Variants in WDPCP observed in about 807,000 individuals in gnomAD.
WDPCP encodes WD repeat containing planar cell polarity effector, also known as WD repeat-containing and planar cell polarity effector protein fritz homolog.
In WDPCP, 71 loss-of-function variants were observed where a neutral mutation model predicts 93.1. That is an observed-to-expected ratio of 0.76 (90% CI 0.63 to 0.93). WDPCP has a LOEUF of 0.93. WDPCP is among the 40% of genes least tolerant of loss of function. The pLI, the probability that WDPCP is intolerant of heterozygous loss-of-function variation, is 0.00. For missense variants in WDPCP, 844 were observed against 887.4 expected (o/e 0.95, Z 0.62); for synonymous variants, 315 against 315.0 (o/e 1.00, Z 0.00).
At chr2:63,154,040 C>T (rs1672065537) in intron 15 of WDPCP, among the ~76,000 whole-genome samples, 1 of 151,698 alleles carries the variant, frequency 6.6e-6, no homozygotes, top group East Asian at 1.9e-4. Flanking sequence ...GAGTTGTTCT[C>T]TGGATATTTA....
chr2:63,790,101 G>T (rs1670525221), intron 2 of WDPCP, among the ~76,000 whole-genome samples: 1 of 152,118 alleles, frequency 6.6e-6, no homozygotes, highest in South Asian at 2.1e-4. Context: ...TCTAGATATG[G>T]GGCTGGGTTA....
chr2:63,438,131 G>A, intron 7 of WDPCP: 1 of 700,014 alleles, frequency 1.4e-6, no homozygotes, highest in East Asian at 4.5e-5. Context: ...CTACAGCTTT[G>A]TCACCAAAGC....
In WDPCP at chr2:63,435,752, T is replaced by A. The variant is rs879579739; in HGVS notation, c.633+1669A>T. 2.0e-5 allele frequency among the ~76,000 whole-genome samples: 3 copies of A among 152,154 alleles called. No homozygotes were observed. In the East Asian group the frequency reaches 5.8e-4, roughly 29 times the overall value. On this transcript the variant is annotated intron_variant, in intron 8 of 17. Transcript: ENST00000272321. Reference sequence around the variant, plus strand: ...CCAATGGACAAATAGCAGATTTGACTAAGTATTAAAAATATACATTTTAAA... The same window carrying A: ...CCAATGGACAAATAGCAGATTTGACAAAGTATTAAAAATATACATTTTAAA...
intron 2 of WDPCP, among the ~76,000 whole-genome samples, chr2:63,700,282 C>CAAAAAAAAAAAAAAAAAAAAAAAA (rs1196006011): frequency 2.4e-5 from 1 of 41,568 alleles, no homozygotes; most frequent in Admixed American, 3.2e-4. Context: ...GACCCTGTCT[C>CAAAAAAAAAAAAAAAAAAAAAAAA]AAAAAAAAAA....
At chr2:63,695,690 T>G (rs1262360694) in intron 2 of WDPCP, among the ~76,000 whole-genome samples, 1 of 152,144 alleles carries the variant, frequency 6.6e-6, no homozygotes. Flanking sequence ...TATAGTTCAT[T>G]GAACTTTCAC....
chr2:63,257,091 T>G (rs1681215286), intron 14 of WDPCP, among the ~76,000 whole-genome samples: 1 of 152,164 alleles, frequency 6.6e-6, no homozygotes, highest in South Asian at 2.1e-4. Flanking sequence ...GTTTAAAAAA[T>G]TACCAAATTG....
chr2:63,482,922 A>C (rs1002393921), intron 6 of WDPCP, among the ~76,000 whole-genome samples: 6 of 152,028 alleles, frequency 3.9e-5, no homozygotes, highest in African/African-American at 1.4e-4. Flanking sequence ...CGATTAGATT[A>C]CTGTAAATTA....
intron 3 of WDPCP, 76 bp downstream of exon 3, chr2:63,487,371 A>AGCTT: frequency 9.5e-7 from 1 of 1,049,468 alleles, no homozygotes; most frequent in Admixed American, 2.0e-5. Context: ...ATGAGAAGAG[A>AGCTT]GCTTTTAATG....
chr2:63,657,486 G>A (rs571272109), intron 2 of WDPCP, among the ~76,000 whole-genome samples: 4 of 152,226 alleles, frequency 2.6e-5, no homozygotes, highest in Admixed American at 6.5e-5. Flanking sequence ...GATTACATGC[G>A]TGAGTCACCG....
At chr2:63,485,690 T>C (rs1161747552) in intron 4 of WDPCP, among the ~76,000 whole-genome samples, 2 of 151,862 alleles carry the variant, frequency 1.3e-5, no homozygotes, top group Non-Finnish European at 2.9e-5. Flanking sequence ...AATAGTTCTG[T>C]TTAAAATAAT....
intron 2 of WDPCP, among the ~76,000 whole-genome samples, chr2:63,784,435 G>C (rs1444157588): frequency 6.6e-6 from 1 of 152,072 alleles, no homozygotes; most frequent in East Asian, 1.9e-4. Flanking sequence ...ATAAGAGAAT[G>C]TGGGTCCAAA....
intron 3 of WDPCP, among the ~76,000 whole-genome samples, chr2:63,602,578 A>G (rs1180418778): frequency 4.6e-5 from 7 of 152,034 alleles, no homozygotes; most frequent in Admixed American, 3.9e-4. Context: ...GTCTTTATGA[A>G]TGATTCTATG....
intron 2 of WDPCP, among the ~76,000 whole-genome samples, chr2:63,667,662 G>A (rs1456607359): frequency 6.6e-6 from 1 of 152,038 alleles, no homozygotes; most frequent in Non-Finnish European, 1.5e-5. Context: ...AGCCTCTGTG[G>A]GTCTCTTTTG....
chr2:63,517,886 CTTT>C (rs1376327410), intron 1 of WDPCP: 4 of 152,242 alleles, frequency 2.6e-5, no homozygotes, highest in Non-Finnish European at 4.4e-5. Context: ...TCTTTCTTTT[CTTT>C]TTGTTTGTTT....
intron 2 of WDPCP, among the ~76,000 whole-genome samples, chr2:63,655,404 G>GTA (rs1010483649): frequency 2.0e-5 from 3 of 150,648 alleles, no homozygotes; most frequent in South Asian, 2.1e-4. Flanking sequence ...CTACATATGT[G>GTA]TATATATATA....
At chr2:63,734,161 A>C (rs1380005023) in intron 2 of WDPCP, among the ~76,000 whole-genome samples, 1 of 152,122 alleles carries the variant, frequency 6.6e-6, no homozygotes, top group Non-Finnish European at 1.5e-5. Context: ...GAACATTTTC[A>C]GTTTTTTTAA....
chr2:63,787,229 T>A (rs1336443054), intron 2 of WDPCP, among the ~76,000 whole-genome samples: 1 of 152,126 alleles, frequency 6.6e-6, no homozygotes, highest in Non-Finnish European at 1.5e-5. Flanking sequence ...AAGGACAGAG[T>A]GCTGGAGATG....
At chr2:63,641,417 G>A (rs1021021527) in intron 3 of WDPCP, among the ~76,000 whole-genome samples, 1 of 152,124 alleles carries the variant, frequency 6.6e-6, no homozygotes, top group Non-Finnish European at 1.5e-5. Flanking sequence ...AACAGTGTAT[G>A]AGGATTCCCT....
intron 12 of WDPCP, among the ~76,000 whole-genome samples, chr2:63,355,343 G>A (rs1460599998): frequency 5.3e-5 from 8 of 152,004 alleles, no homozygotes; most frequent in East Asian, 1.9e-4. Context: ...TCTTGTTTGC[G>A]CCAAGCTAAG....
Sources: allele counts gnomAD v4.1 joint callset (sites outside exome capture counted in the v4.1 genomes callset), GRCh38; gene constraint gnomAD v4.1.1; transcripts MANE v1.5; gene names NCBI Gene and HGNC (gene_info 2026-07-23, HGNC 2026-07-21).